The following TSC22D1 variants were observed in gnomAD, a reference collection of about 807,000 sequenced individuals.
TSC22D1 encodes TSC22 domain family protein 1.
Under a neutral mutation model 74.2 loss-of-function variants are expected in TSC22D1, and 9 were observed. That is an observed-to-expected ratio of 0.12 (90% CI 0.07 to 0.21). TSC22D1 has a LOEUF of 0.21. Among genes scored for constraint, TSC22D1 ranks in the 10% least tolerant of loss-of-function variants. The pLI, the probability that TSC22D1 is intolerant of heterozygous loss-of-function variation, is 1.00. For synonymous variants in TSC22D1, 586 were observed against 492.5 expected, an observed-to-expected ratio of 1.19 and a Z score of -2.51; for missense variants, 1,427 against 1,304.7, an observed-to-expected ratio of 1.09 and a Z score of -1.44.
At chr13:44,440,792 G>C (rs1245045955) in intron 1 of TSC22D1, among the ~76,000 whole-genome samples, 1 of 151,976 alleles carries the variant, frequency 6.6e-6, no homozygotes, top group Non-Finnish European at 1.5e-5. Flanking sequence ...AAATGAAAAA[G>C]CCCTCCACCA....
At chr13:44,476,445 AT>A (rs1566130904) in intron 1 of TSC22D1, among the ~76,000 whole-genome samples, 1 of 152,188 alleles carries the variant, frequency 6.6e-6, no homozygotes, top group Non-Finnish European at 1.5e-5. Context: ...CTAATAAAAA[AT>A]ATCAATATAC....
At chr13:44,478,948 T>G (rs1049456048) in intron 1 of TSC22D1, among the ~76,000 whole-genome samples, 2 of 152,128 alleles carry the variant, frequency 1.3e-5, no homozygotes, top group Non-Finnish European at 2.9e-5. Context: ...CGTGTGTGTT[T>G]GTGTATGTGT....
intron 1 of TSC22D1, among the ~76,000 whole-genome samples, chr13:44,443,476 G>GC (rs1213588145): frequency 6.6e-6 from 1 of 152,020 alleles, no homozygotes; most frequent in Non-Finnish European, 1.5e-5. Context: ...CTAGATCTAC[G>GC]CAAGAGTGTG....
Position 44,575,715 on chromosome 13 carries a change from C to G in TSC22D1, c.360G>C (p.Gln120His), listed in dbSNP as rs760938493. Residue 120 changes from glutamine (Q) to histidine (H), a missense_variant, in exon 1 of 3, where the codon CAG (glutamine) becomes CAC (histidine). Gln to His is a conservative substitution (Grantham distance 24). Transcript: ENST00000458659. ...TGTTAGAGCTGATACTAGCGGAGAT[C>G]TGAGCAGGAGTAACGCTAGTTATCT... Reference protein sequence around the residue: ...GFQITSVTPAQISASISSNNS... With the variant: ...GFQITSVTPAHISASISSNNS... The G allele has an allele frequency of 1.9e-6, 3 of 1,614,204 alleles. No individual in the cohort carries two copies. Among genetic ancestry groups the G allele is most frequent in the Non-Finnish European group, 2.5e-6 (3 of 1,180,034 alleles).
At chr13:44,539,580 G>T (rs1450423884) in intron 1 of TSC22D1, 7 of 985,154 alleles carry the variant, frequency 7.1e-6, no homozygotes, top group Middle Eastern at 5.2e-4. Flanking sequence ...TAATTATCTG[G>T]AGAGAAAATT....
In TSC22D1 at chr13:44,575,877, C is replaced by A. The variant is rs370534959; in HGVS notation, c.198G>T (p.Pro66=). The change falls in exon 1 of 3, where the codon CCG becomes CCT. Residue 66 remains proline, a synonymous_variant. Coordinates refer to ENST00000458659, the MANE Select transcript of TSC22D1 (RefSeq NM_183422.4). ...ACGTAGAAGATGCTGCAGGGGGCGG[C>A]GGCTGAAGCAGCGACGGAGGCGGAA... ...EDFPPPSLLQ[P]PPPAASSTSG... is the part of the protein sequence containing the mutation. The A allele has an allele frequency of 3.7e-6, 6 of 1,613,904 alleles. No homozygotes were observed. In the Admixed American group the frequency reaches 5.0e-5, roughly 13 times the overall value.
intron 1 of TSC22D1, among the ~76,000 whole-genome samples, chr13:44,455,372 A>G (rs1271616006): frequency 6.6e-6 from 1 of 152,210 alleles, no homozygotes; most frequent in Non-Finnish European, 1.5e-5. Flanking sequence ...TGTATGATAC[A>G]AGAGATCTCT....
chr13:44,474,622 G>A (rs938344757), intron 1 of TSC22D1, among the ~76,000 whole-genome samples: 1 of 151,764 alleles, frequency 6.6e-6, no homozygotes, highest in Non-Finnish European at 1.5e-5. Context: ...TTATGTCAGA[G>A]GTGAAAAAAC....
intron 1 of TSC22D1, among the ~76,000 whole-genome samples, chr13:44,572,054 A>G (rs1883805547): frequency 6.6e-6 from 1 of 152,164 alleles, no homozygotes; most frequent in African/African-American, 2.4e-5. Flanking sequence ...TTCAATCACA[A>G]AACCCTCCAA....
chr13:44,460,507 T>C (rs1876941733), intron 1 of TSC22D1, among the ~76,000 whole-genome samples: 2 of 149,580 alleles, frequency 1.3e-5, no homozygotes, highest in Admixed American at 6.7e-5. Flanking sequence ...TGATTCCTAA[T>C]ATTTTTTTAC....
chr13:44,492,799 C>T lies in TSC22D1; in HGVS notation c.2913-56704G>A, dbSNP rs143541874. Among the ~76,000 whole-genome samples, 847 of 152,102 alleles carry T rather than the reference C, an allele frequency of 5.6e-3. 2 individuals carry two copies. The highest frequency in any genetic ancestry group is 6.7e-3 in the Non-Finnish European group (453 of 67,978). Reference sequence around the variant, plus strand: ...AGGGGTTTTTTTTCCTAATAATTTACTTAAAAGTTATGTATTTCTTTTACA... The same window carrying T: ...AGGGGTTTTTTTTCCTAATAATTTATTTAAAAGTTATGTATTTCTTTTACA... On this transcript the variant is annotated intron_variant, in intron 1 of 2. Coordinates refer to ENST00000458659, the MANE Select transcript of TSC22D1 (RefSeq NM_183422.4).
At chr13:44,569,858 C>T (rs757385935) in intron 1 of TSC22D1, among the ~76,000 whole-genome samples, 2 of 152,068 alleles carry the variant, frequency 1.3e-5, no homozygotes, top group East Asian at 3.8e-4. Flanking sequence ...GAAATGCCTG[C>T]TAATTAATTC....
At chr13:44,495,216 C>CA (rs1216131050) in intron 1 of TSC22D1, among the ~76,000 whole-genome samples, 1 of 147,384 alleles carries the variant, frequency 6.8e-6, no homozygotes, top group East Asian at 2.1e-4. Flanking sequence ...AAAAACTTCC[C>CA]AAATTTGATA....
At chr13:44,554,800 T>G (rs1407815836) in intron 1 of TSC22D1, among the ~76,000 whole-genome samples, 1 of 152,116 alleles carries the variant, frequency 6.6e-6, no homozygotes, top group South Asian at 2.1e-4. Flanking sequence ...CACCAAATGT[T>G]TACCAAATTA....
chr13:44,560,156 AC>A (rs1882944907), intron 1 of TSC22D1, among the ~76,000 whole-genome samples: 1 of 151,912 alleles, frequency 6.6e-6, no homozygotes, highest in Non-Finnish European at 1.5e-5. Context: ...CAGGCCAGGC[AC>A]AGTGGCTCAC....
At chr13:44,442,646 G>A (rs999093205) in intron 1 of TSC22D1, among the ~76,000 whole-genome samples, 1 of 152,096 alleles carries the variant, frequency 6.6e-6, no homozygotes, top group Admixed American at 6.5e-5. Flanking sequence ...GCCAGGTGTG[G>A]TGGCTCATGC....
chr13:44,513,730 A>C (rs1162296368), intron 1 of TSC22D1, among the ~76,000 whole-genome samples: 1 of 152,200 alleles, frequency 6.6e-6, no homozygotes, highest in African/African-American at 2.4e-5. Context: ...CAGTCACCAT[A>C]AGCAGTATCA....
At chr13:44,551,557 A>T (rs1882276552) in intron 1 of TSC22D1, among the ~76,000 whole-genome samples, 2 of 152,028 alleles carry the variant, frequency 1.3e-5, no homozygotes, top group Non-Finnish European at 2.9e-5. Flanking sequence ...AGTAGCTGGG[A>T]TTACATAAGC....
intron 1 of TSC22D1, chr13:44,536,966 A>C (rs1182441392): frequency 3.6e-6 from 3 of 834,822 alleles, no homozygotes; most frequent in East Asian, 1.2e-4. Flanking sequence ...AAAACAAAAA[A>C]AACTAACACA....
Sources: gnomAD v4.1 joint callset for allele counts (sites outside exome capture counted in the v4.1 genomes callset) on GRCh38, gnomAD v4.1.1 for gene constraint, MANE v1.5 for transcripts, NCBI Gene and HGNC (gene_info 2026-07-23, HGNC 2026-07-21) for gene names.